Variants in LDLRAD4 observed in about 807,000 individuals in gnomAD.
LDLRAD4 encodes low density lipoprotein receptor class A domain containing 4.
LDLRAD4 carries 5 observed loss-of-function variants against 17.0 expected under a neutral mutation model. That is an observed-to-expected ratio of 0.29 (90% CI 0.15 to 0.62). The LOEUF (loss-of-function observed/expected upper bound fraction) is 0.62, where lower values mean the gene tolerates loss of function less well. LDLRAD4 is among the 20% of genes least tolerant of loss of function. The probability of loss-of-function intolerance (pLI) is 0.84; values close to 1 mark genes in which losing one functional copy is unlikely to be tolerated. For missense variants in LDLRAD4, 340 were observed against 424.7 expected, an observed-to-expected ratio of 0.80 and a Z score of 1.75; for synonymous variants, 168 against 171.8, an observed-to-expected ratio of 0.98 and a Z score of 0.17.
At chr18:13,612,587 G>A in intron 3 of LDLRAD4, 1 of 1,525,460 alleles carries the variant, frequency 6.6e-7, no homozygotes, top group Non-Finnish European at 8.8e-7. Flanking sequence ...CACACCCCAT[G>A]CCAGCTATAA....
intron 2 of LDLRAD4, among the ~76,000 whole-genome samples, chr18:13,410,565 A>T (rs148644822): frequency 6.6e-6 from 1 of 152,348 alleles, no homozygotes; most frequent in African/African-American, 2.4e-5. Context: ...TTACACAGTG[A>T]GGCTTAATCT....
intron 3 of LDLRAD4, among the ~76,000 whole-genome samples, chr18:13,505,548 G>T (rs116504119): frequency 6.6e-6 from 1 of 152,164 alleles, no homozygotes; most frequent in East Asian, 1.9e-4. Context: ...TGCCAGGCAC[G>T]GTGGCTCACG....
At chr18:13,584,576 A>G (rs1322035220) in intron 3 of LDLRAD4, among the ~76,000 whole-genome samples, 1 of 152,098 alleles carries the variant, frequency 6.6e-6, no homozygotes, top group East Asian at 1.9e-4. Flanking sequence ...TGGAGGAATC[A>G]TAGGATGGCT....
chr18:13,454,734 G>C (rs148934797), intron 3 of LDLRAD4, among the ~76,000 whole-genome samples: 109 of 145,166 alleles, frequency 7.5e-4, no homozygotes, highest in Admixed American at 1.3e-3. Context: ...GCTGGGAAAG[G>C]GGCTGGCCTG....
At chr18:13,531,910 C>T (rs530344517) in intron 3 of LDLRAD4, among the ~76,000 whole-genome samples, 38 of 152,268 alleles carry the variant, frequency 2.5e-4, no homozygotes, top group Non-Finnish European at 4.6e-4. Context: ...TGCTGGGGGG[C>T]GGCCTGGCCC....
chr18:13,221,267 G>A (rs1215125272), intron 1 of LDLRAD4, among the ~76,000 whole-genome samples: 1 of 152,200 alleles, frequency 6.6e-6, no homozygotes, highest in Non-Finnish European at 1.5e-5. Context: ...AAATTGCTAT[G>A]TAGTCCAAAA....
rs967556484 is a variant in LDLRAD4 at position 13,339,994 on chromosome 18, A to G, written c.-382-47347A>G. 2.6e-5 allele frequency among the ~76,000 whole-genome samples: 4 copies of G among 152,204 alleles called. No homozygotes were observed. In the East Asian group the frequency reaches 7.7e-4, roughly 29 times the overall value. On this transcript the variant is annotated intron_variant, in intron 1 of 5. Coordinates refer to ENST00000359446, the Ensembl canonical transcript of LDLRAD4. ...AACTGCCATTCTACTTTCTCTATGA[A>G]TTTGATTACTCTAGGAGCCTTGTAA...
At chr18:13,535,110 G>A (rs1416953415) in intron 3 of LDLRAD4, among the ~76,000 whole-genome samples, 2 of 152,076 alleles carry the variant, frequency 1.3e-5, no homozygotes, top group African/African-American at 4.8e-5. Flanking sequence ...TCCAGTTTGG[G>A]GCTATTAGAA....
chr18:13,424,674 C>T (rs75917139), intron 2 of LDLRAD4, among the ~76,000 whole-genome samples: 7 of 152,188 alleles, frequency 4.6e-5, no homozygotes, highest in Non-Finnish European at 7.4e-5. Context: ...ACAGTCTTGG[C>T]GAAGGGTTTT....
intron 1 of LDLRAD4, among the ~76,000 whole-genome samples, chr18:13,338,049 A>G (rs906975089): frequency 1.3e-5 from 2 of 152,100 alleles, no homozygotes; most frequent in Non-Finnish European, 2.9e-5. Flanking sequence ...TAAGAACTTT[A>G]TGGTCACCTA....
chr18:13,644,100 T>C (rs1215282169), intron 5 of LDLRAD4, among the ~76,000 whole-genome samples: 1 of 152,164 alleles, frequency 6.6e-6, no homozygotes, highest in East Asian at 1.9e-4. Context: ...CAGGAAACTT[T>C]TATTCAGATT....
rs534798084 is a variant in LDLRAD4, at chr18:13,459,159, C to CAAAAAA, written c.181+20802_181+20807dup. Among the ~76,000 whole-genome samples the CAAAAAA allele has an allele frequency of 7.6e-4, 41 of 53,748 alleles. 4 individuals carry two copies. Among genetic ancestry groups the CAAAAAA allele is most frequent in the African/African-American group, 2.2e-3 (36 of 16,614 alleles). The allele number at this position is 53,748 out of a possible 152,430, so 35.3% of individuals were successfully genotyped here. A position where few individuals can be genotyped will look rare whatever the true frequency, so the allele number is the denominator to read the frequency against. On this transcript the variant is annotated intron_variant, in intron 3 of 5. Transcript: ENST00000359446. ...ACATAGTGAGACTCCATCTCTACAC[C>CAAAAAA]AAAAAAAAAAAAAAAAAAAAAAAAA...
chr18:13,617,119 T>A (rs998318722), intron 3 of LDLRAD4, among the ~76,000 whole-genome samples: 1 of 151,440 alleles, frequency 6.6e-6, no homozygotes, highest in African/African-American at 2.4e-5. Context: ...TTTTTTTTTT[T>A]AAGAGACAGG....
intron 1 of LDLRAD4, among the ~76,000 whole-genome samples, chr18:13,339,844 C>T (rs1376783466): frequency 2.6e-5 from 4 of 152,106 alleles, no homozygotes; most frequent in Admixed American, 6.5e-5. Flanking sequence ...CATGACATTA[C>T]GTACACTCAC....
intron 3 of LDLRAD4, among the ~76,000 whole-genome samples, chr18:13,551,373 C>T (rs1414760361): frequency 6.6e-6 from 1 of 152,170 alleles, no homozygotes; most frequent in Non-Finnish European, 1.5e-5. Context: ...TTAGTCTGTG[C>T]ACAGGCTCAT....
chr18:13,295,795 A>G (rs1354462700), intron 1 of LDLRAD4, among the ~76,000 whole-genome samples: 1 of 152,238 alleles, frequency 6.6e-6, no homozygotes, highest in African/African-American at 2.4e-5. Flanking sequence ...GAAATAAACC[A>G]TCATGTATAT....
At chr18:13,455,922 C>G (rs1028154449) in intron 3 of LDLRAD4, among the ~76,000 whole-genome samples, 1 of 152,176 alleles carries the variant, frequency 6.6e-6, no homozygotes, top group South Asian at 2.1e-4. Flanking sequence ...ACTCAGAGCC[C>G]CAGCTTCCGA....
At chr18:13,503,357 C>T (rs1035854208) in intron 3 of LDLRAD4, among the ~76,000 whole-genome samples, 1 of 152,230 alleles carries the variant, frequency 6.6e-6, no homozygotes. Context: ...TGCCATTGTT[C>T]CCAGCCGGCA....
chr18:13,327,295 A>T (rs2081588336), intron 1 of LDLRAD4, among the ~76,000 whole-genome samples: 1 of 152,098 alleles, frequency 6.6e-6, no homozygotes. Flanking sequence ...CCTCCAGGGC[A>T]CAGCATCTGG....
Sources: gnomAD v4.1 joint callset for allele counts (sites outside exome capture counted in the v4.1 genomes callset) on GRCh38, gnomAD v4.1.1 for gene constraint, MANE v1.5 for transcripts, NCBI Gene and HGNC (gene_info 2026-07-23, HGNC 2026-07-21) for gene names.